The following C2CD3 variants were observed in gnomAD, a reference collection of about 807,000 sequenced individuals.
C2CD3 encodes the protein C2 domain-containing protein 3.
Under a neutral mutation model 234.0 loss-of-function variants are expected in C2CD3, and 148 were observed. That is an observed-to-expected ratio of 0.63 (90% CI 0.55 to 0.72). The LOEUF (loss-of-function observed/expected upper bound fraction) is 0.72. Ranked by LOEUF, C2CD3 falls within the 30% of genes least tolerant of loss-of-function variation. The probability of loss-of-function intolerance (pLI) is 0.00; values close to 1 mark genes in which losing one functional copy is unlikely to be tolerated. For missense variants in C2CD3, 2,577 were observed against 2,811.5 expected, an observed-to-expected ratio of 0.92 and a Z score of 1.89; for synonymous variants, 1,000 against 1,035.4, an observed-to-expected ratio of 0.97 and a Z score of 0.66.
chr11:74,123,174 G>T (rs747720621), intron 7 of C2CD3, 39 bp from the exon 8 acceptor site: 20 of 1,521,480 alleles, frequency 1.3e-5, no homozygotes, highest in Admixed American at 1.7e-5. Flanking sequence ...AATTTTAATA[G>T]AAGTTTCAGC....
intron 28 of C2CD3, among the ~76,000 whole-genome samples, chr11:74,045,447 T>C (rs889084566): frequency 2.0e-5 from 3 of 152,232 alleles, no homozygotes; most frequent in Admixed American, 6.5e-5. Flanking sequence ...GGAATTTTGA[T>C]AGGGATTGTG....
chr11:74,095,499 G>C, intron 16 of C2CD3, 91 bp from the exon 17 acceptor site: 1 of 959,010 alleles, frequency 1.0e-6, no homozygotes, highest in Non-Finnish European at 1.6e-6. Flanking sequence ...TATAGATAAA[G>C]AGATAAGTAT....
At chr11:74,050,681 A>G (rs1953632145) in intron 26 of C2CD3, among the ~76,000 whole-genome samples, 1 of 152,246 alleles carries the variant, frequency 6.6e-6, no homozygotes, top group African/African-American at 2.4e-5. Context: ...TCCTGGTGAC[A>G]CTAAATTCAT....
chr11:74,137,474 C>T (rs1336042164), intron 5 of C2CD3, among the ~76,000 whole-genome samples: 1 of 151,026 alleles, frequency 6.6e-6, no homozygotes, highest in Admixed American at 6.6e-5. Context: ...GGTCAATTTT[C>T]CTTCTTGTTA....
chr11:74,037,534 TG>T lies in C2CD3; in HGVS notation c.5824del (p.Gln1942SerfsTer17). 1 of 1,614,140 alleles carries T rather than the reference TG, an allele frequency of 6.2e-7. No homozygotes were observed. Among genetic ancestry groups the T allele is most frequent in the Non-Finnish European group, 8.5e-7 (1 of 1,180,002 alleles). On this transcript the variant is annotated frameshift_variant, in exon 30 of 33. Coordinates refer to ENST00000334126, the MANE Select transcript of C2CD3 (RefSeq NM_001286577.2). LOFTEE classifies it high-confidence loss of function. ...GTTACTGGATTTCTCCAGGATACACTGGCTCCCAGGGTCTAGGCTGCTGGCA... is the reference window on the plus strand; with the variant it reads ...GTTACTGGATTTCTCCAGGATACACTGCTCCCAGGGTCTAGGCTGCTGGCA... ...PGASSLDPGS[Q>X]CILEKSSNLV...
At chr11:74,144,514 C>T (rs116673706) in intron 3 of C2CD3, among the ~76,000 whole-genome samples, 9 of 152,238 alleles carry the variant, frequency 5.9e-5, no homozygotes, top group African/African-American at 1.7e-4. Flanking sequence ...AAACTCATGA[C>T]GTGGGGGTCT....
chr11:74,091,457 C>T (rs1955890310), intron 19 of C2CD3: 1 of 152,680 alleles, frequency 6.5e-6, no homozygotes, highest in African/African-American at 2.4e-5. Context: ...ACAACTCAAT[C>T]TTAATTATGG....
intron 24 of C2CD3, among the ~76,000 whole-genome samples, chr11:74,067,028 C>A (rs900581525): frequency 9.9e-5 from 15 of 152,266 alleles, no homozygotes; most frequent in Middle Eastern, 3.4e-3. Flanking sequence ...ATATTTGTAT[C>A]TGAAATGTAT....
At position 74,032,271 on chromosome 11, in the gene C2CD3, C is replaced by T. The variant is rs528405460; in HGVS notation, c.6809+1080G>A. On this transcript the variant is annotated intron_variant, in intron 31 of 32. Transcript: ENST00000334126. ...GGTCTAGAAGGGTCAAAGTCAGGCT[C>T]CCTGACTTCTAGTAGAGGAAGATCT... is the stretch of plus-strand genomic sequence containing the variant. Among the ~76,000 whole-genome samples the T allele has an allele frequency of 3.9e-5, 6 of 152,246 alleles. No individual in the cohort carries two copies. In the East Asian group the frequency reaches 1.2e-3, roughly 29 times the overall value.
rs753237162 is a variant in C2CD3 at position 74,078,462 on chromosome 11, T to C, written c.4256A>G (p.His1419Arg). Residue 1419 changes from histidine to arginine, a missense_variant, in exon 23 of 33, where the codon CAT becomes CGT. Physicochemically the swap from His to Arg is conservative, Grantham distance 29. Transcript: ENST00000334126. ...GTTGTGGCCAGCAAGCAGCACACAA[T>C]GGATGGGCAGCCACAGCCTTGGGGT... ...ISTPRLWLPI[H>R]CVLLAGHNHI... 1 of 1,614,206 alleles carries C rather than the reference T, an allele frequency of 6.2e-7. No individual in the cohort carries two copies. Among genetic ancestry groups the C allele is most frequent in the Non-Finnish European group, 8.5e-7 (1 of 1,180,036 alleles).
intron 24 of C2CD3, chr11:74,070,706 C>T (rs1409157067): frequency 6.6e-6 from 1 of 152,096 alleles, no homozygotes; most frequent in African/African-American, 2.4e-5. Flanking sequence ...TTGTTGGTTT[C>T]ATCTCACCTG....
At chr11:74,015,337 G>A (rs558502057) in intron 32 of C2CD3, among the ~76,000 whole-genome samples, 1 of 152,328 alleles carries the variant, frequency 6.6e-6, no homozygotes, top group South Asian at 2.1e-4. Flanking sequence ...AGAACCAGTG[G>A]TTGTTGTCCT....
chr11:74,114,479 G>T lies in C2CD3; in HGVS notation c.1635C>A (p.Ile545=), dbSNP rs779659739. ...TATCTGGAGGAACTCCCATGGTTTC[G>T]ATGATGATTCTGACTGAATGTGTTC... ...LGRTHSVRII[I]ETMGVPPDSP... The change falls in exon 10 of 33, where the codon ATC becomes ATA. Residue 545 remains isoleucine, a synonymous_variant. Transcript: ENST00000334126. 9.3e-6 allele frequency: 15 copies of T among 1,613,634 alleles called. No individual in the cohort carries two copies. Among genetic ancestry groups the T allele is most frequent in the Non-Finnish European group, 1.2e-5 (14 of 1,179,740 alleles).
chr11:74,020,869 G>A (rs1952057402), intron 32 of C2CD3, among the ~76,000 whole-genome samples: 1 of 152,214 alleles, frequency 6.6e-6, no homozygotes, highest in Non-Finnish European at 1.5e-5. Flanking sequence ...TCACATGATT[G>A]AGTTGATGAC....
At chr11:74,020,737 AT>A (rs1365349798) in intron 32 of C2CD3, among the ~76,000 whole-genome samples, 1 of 152,214 alleles carries the variant, frequency 6.6e-6, no homozygotes, top group Non-Finnish European at 1.5e-5. Flanking sequence ...TTGTTAAAAG[AT>A]GCAAATTTCA....
chr11:74,085,964 C>T, intron 20 of C2CD3, 78 bp from the exon 21 acceptor site: 2 of 1,387,574 alleles, frequency 1.4e-6, no homozygotes, highest in Admixed American at 2.4e-5. Context: ...AAAATAACTT[C>T]ATTACTTCTA....
At chr11:74,054,134 T>C (rs1034546339) in intron 26 of C2CD3, among the ~76,000 whole-genome samples, 4 of 151,544 alleles carry the variant, frequency 2.6e-5, no homozygotes, top group Admixed American at 2.6e-4. Flanking sequence ...TAGCCGGGCG[T>C]GGTGGCAGGC....
intron 7 of C2CD3, among the ~76,000 whole-genome samples, chr11:74,125,222 T>C (rs1010412805): frequency 2.6e-5 from 4 of 152,190 alleles, no homozygotes; most frequent in Admixed American, 2.6e-4. Flanking sequence ...TGGAGTGCAC[T>C]GGTGTGATCA....
At chr11:74,048,448 T>A (rs1259863472) in intron 27 of C2CD3, 110 bp from the exon 28 acceptor site, 5 of 1,090,698 alleles carry the variant, frequency 4.6e-6, no homozygotes, top group Non-Finnish European at 6.6e-6. Flanking sequence ...ATTTACTGAA[T>A]ACTTTGTGTT....
Sources: gnomAD v4.1 joint callset for allele counts (sites outside exome capture counted in the v4.1 genomes callset) on GRCh38, gnomAD v4.1.1 for gene constraint, MANE v1.5 for transcripts, NCBI Gene and HGNC (gene_info 2026-07-23, HGNC 2026-07-21) for gene names.